Variants in TMEM131 observed in about 807,000 individuals in gnomAD.
The protein encoded by TMEM131 is 2610524E03Rik.
In TMEM131, 66 loss-of-function variants were observed where a neutral mutation model predicts 211.6. That is an observed-to-expected ratio of 0.31 (90% confidence interval 0.26 to 0.38). The LOEUF is 0.38. TMEM131 is among the 10% of genes least tolerant of loss of function. The pLI, the probability that TMEM131 is intolerant of heterozygous loss-of-function variation, is 1.00. For synonymous variants in TMEM131, 844 were observed against 841.3 expected (o/e 1.00, Z -0.06); for missense variants, 2,036 against 2,299.3 (o/e 0.89, Z 2.34).
intron 7 of TMEM131, among the ~76,000 whole-genome samples, chr2:97,840,425 G>C (rs571488662): frequency 6.6e-6 from 1 of 152,178 alleles, no homozygotes; most frequent in Non-Finnish European, 1.5e-5. Context: ...TCATGCAGTC[G>C]GGTCTAACGG....
intron 19 of TMEM131, 35 bp from the exon 20 acceptor site, chr2:97,805,738 A>G: frequency 6.5e-7 from 1 of 1,537,612 alleles, no homozygotes; most frequent in Non-Finnish European, 8.8e-7. Context: ...ACTCATTTGT[A>G]TATGGTTAAA....
At chr2:97,795,517 G>T (rs1680720615) in intron 28 of TMEM131, among the ~76,000 whole-genome samples, 1 of 152,104 alleles carries the variant, frequency 6.6e-6, no homozygotes, top group African/African-American at 2.4e-5. Flanking sequence ...ATCTCCTGCA[G>T]TATGGATTAC....
At chr2:97,946,429 C>G (rs1041162006) in intron 1 of TMEM131, among the ~76,000 whole-genome samples, 2 of 151,876 alleles carry the variant, frequency 1.3e-5, no homozygotes, top group Non-Finnish European at 2.9e-5. Context: ...CTGAATACGA[C>G]TATACTTTCT....
intron 1 of TMEM131, among the ~76,000 whole-genome samples, chr2:97,956,664 T>C (rs1326424382): frequency 1.3e-5 from 2 of 150,028 alleles, no homozygotes; most frequent in African/African-American, 2.5e-5. Context: ...AATATTTCTC[T>C]TTTTTCATTA....
At chr2:97,897,317 T>C (rs1675655198) in intron 3 of TMEM131, among the ~76,000 whole-genome samples, 1 of 152,102 alleles carries the variant, frequency 6.6e-6, no homozygotes, top group Non-Finnish European at 1.5e-5. Flanking sequence ...CAATGTTTAA[T>C]GTAAGTGATG....
At chr2:97,926,036 C>G (rs1676976122) in intron 2 of TMEM131, among the ~76,000 whole-genome samples, 1 of 150,970 alleles carries the variant, frequency 6.6e-6, no homozygotes, top group East Asian at 1.9e-4. Context: ...GGTGTGAACC[C>G]GGGAGGCAGA....
At chr2:97,983,549 A>T (rs1434836811) in intron 1 of TMEM131, among the ~76,000 whole-genome samples, 1 of 152,138 alleles carries the variant, frequency 6.6e-6, no homozygotes, top group Admixed American at 6.5e-5. Context: ...GTTTCTCATG[A>T]TTAGGCATAA....
At chr2:97,795,140 G>C in intron 28 of TMEM131, 25 bp from the exon 29 acceptor site, 1 of 1,571,396 alleles carries the variant, frequency 6.4e-7, no homozygotes, top group Non-Finnish European at 8.7e-7. Context: ...TGGTAGTAAG[G>C]CTAAGTTTTA....
chr2:97,955,355 T>C (rs966134793), intron 1 of TMEM131, among the ~76,000 whole-genome samples: 1 of 152,166 alleles, frequency 6.6e-6, no homozygotes, highest in Non-Finnish European at 1.5e-5. Context: ...CAAAAATCTA[T>C]ACCTTAATGG....
chr2:97,853,824 G>A (rs1318712516), intron 5 of TMEM131, among the ~76,000 whole-genome samples: 3 of 152,138 alleles, frequency 2.0e-5, no homozygotes, highest in Non-Finnish European at 2.9e-5. Context: ...GCAATCCCAT[G>A]ATAAAACTTG....
chr2:97,766,106 AT>A lies in TMEM131; in HGVS notation c.4723+7del. 6.2e-7 allele frequency: 1 copy of A among 1,613,932 alleles called. No homozygotes were observed. The highest frequency in any genetic ancestry group is 8.5e-7 in the Non-Finnish European group (1 of 1,179,808). On this transcript the variant is annotated splice_region_variant and intron_variant, in intron 35 of 40. Coordinates refer to ENST00000186436, the MANE Select transcript of TMEM131 (RefSeq NM_015348.2). The stretch of plus-strand genomic sequence containing the variant: ...GGAGCCCTGTGGTTTCTAAACTACT[AT>A]ACTTACAGCTGCCAGGTTTGTGAAC...
intron 1 of TMEM131, among the ~76,000 whole-genome samples, chr2:97,989,519 A>G (rs11123974): frequency 0.37 from 52,352 of 140,116 alleles, 9,775 homozygotes; most frequent in Non-Finnish European, 0.43. Flanking sequence ...CCAGCTTTAC[A>G]TGAAGAAGTT....
In TMEM131 at chr2:97,812,450, C is replaced by G; in HGVS notation, c.1834G>C (p.Glu612Gln). Reference protein sequence around the residue: ...TTIISSLPEFEKSSLSDQSSV... With the variant: ...TTIISSLPEFQKSSLSDQSSV... Reference sequence around the variant, plus strand: ...GATTGATCTGATAAAGAGGATTTTTCAAACTCTGGCAGGCTTGAAATTATT... The same window carrying G: ...GATTGATCTGATAAAGAGGATTTTTGAAACTCTGGCAGGCTTGAAATTATT... Residue 612 changes from glutamate to glutamine, a missense_variant, in exon 17 of 41, where the codon GAA becomes CAA. Physicochemically the swap from Glu to Gln is conservative, Grantham distance 29. Around this residue, in one of 3 missense-constraint regions of TMEM131, gnomAD observed 1,623 missense variants for 1,805.9 expected, o/e 0.90. Transcript: ENST00000186436. 1.2e-6 allele frequency: 2 copies of G among 1,609,310 alleles called. No individual in the cohort carries two copies. The highest frequency in any genetic ancestry group is 4.5e-5 in the East Asian group (2 of 44,770).
chr2:97,960,928 A>G lies in TMEM131; in HGVS notation c.188-33441T>C, dbSNP rs928767476. Among the ~76,000 whole-genome samples, 8 of 152,280 alleles carry G rather than the reference A, an allele frequency of 5.3e-5. No individual in the cohort carries two copies. The East Asian group carries it at 1.5e-3, about 29-fold the overall frequency. ...TTAACATTCTAAAAAAAGAAAAACT[A>G]GTTACTTCACCATCTTAATATAGAG... On this transcript the variant is annotated intron_variant, in intron 1 of 40. Transcript: ENST00000186436.
chr2:97,951,706 C>T (rs1040636317), intron 1 of TMEM131, among the ~76,000 whole-genome samples: 1 of 152,128 alleles, frequency 6.6e-6, no homozygotes, highest in African/African-American at 2.4e-5. Context: ...AACACAAACA[C>T]GCATACACAC....
intron 7 of TMEM131, among the ~76,000 whole-genome samples, chr2:97,840,517 G>C (rs1342512881): frequency 1.3e-5 from 2 of 152,218 alleles, no homozygotes; most frequent in African/African-American, 4.8e-5. Flanking sequence ...TTGAGGCCAG[G>C]AGTTCAAGGC....
intron 3 of TMEM131, among the ~76,000 whole-genome samples, chr2:97,904,264 T>C (rs1573536712): frequency 1.3e-5 from 2 of 152,256 alleles, no homozygotes; most frequent in East Asian, 1.9e-4. Flanking sequence ...AAATATACAC[T>C]GAAATATTTA....
intron 5 of TMEM131, 128 bp downstream of exon 5, chr2:97,859,176 G>T (rs1673966399): frequency 3.8e-6 from 4 of 1,040,120 alleles, no homozygotes; most frequent in South Asian, 3.6e-5. Flanking sequence ...CTTAGGAAGT[G>T]AAACAAATCT....
rs552387110 is a variant in TMEM131 at position 97,826,836 on chromosome 2, C to T, written c.1074+6529G>A. On this transcript the variant is annotated intron_variant, in intron 11 of 40. Coordinates refer to ENST00000186436, the MANE Select transcript of TMEM131 (RefSeq NM_015348.2). ...TAACACTCCAATACCACCTTGCTGT[C>T]AGAGTAAACAAGGACATAGCCTGAA... 5.3e-5 allele frequency among the ~76,000 whole-genome samples: 8 copies of T among 152,254 alleles called. No homozygotes were observed. The South Asian group carries it at 1.7e-3, about 32-fold the overall frequency.
Sources: gnomAD v4.1 joint callset for allele counts (sites outside exome capture counted in the v4.1 genomes callset) on GRCh38, gnomAD v4.1.1 for gene constraint, gnomAD v4.1.1 regional missense constraint, MANE v1.5 for transcripts, NCBI Gene and HGNC (gene_info 2026-07-23, HGNC 2026-07-21) for gene names.